PDE3B: variants seen among roughly 807,000 people sequenced by gnomAD.
The protein encoded by PDE3B is cGMP-inhibited 3',5'-cyclic phosphodiesterase 3B.
A neutral mutation model predicts 116.8 loss-of-function variants in PDE3B; 66 were observed. The ratio of observed to expected loss-of-function variants is 0.56; its 90% CI spans 0.46 to 0.69. The LOEUF is 0.69. Among genes scored for constraint, PDE3B ranks in the 30% least tolerant of loss-of-function variants. The pLI, the probability that PDE3B is intolerant of heterozygous loss-of-function variation, is 0.00. For missense variants in PDE3B, 1,384 were observed against 1,368.1 expected (o/e 1.01, Z -0.18); for synonymous variants, 595 against 533.6 (o/e 1.12, Z -1.59).
chr11:14,841,356 T>C (rs1175098005), intron 11 of PDE3B, among the ~76,000 whole-genome samples: 2 of 147,334 alleles, frequency 1.4e-5, no homozygotes, highest in Non-Finnish European at 3.0e-5. Flanking sequence ...TCTATATATA[T>C]ATATAAAATA....
chr11:14,842,291 G>A (rs1355511751), intron 11 of PDE3B, among the ~76,000 whole-genome samples: 16 of 152,026 alleles, frequency 1.1e-4, no homozygotes. Context: ...TGCCAACTGT[G>A]TTCTTTTTTG....
intron 1 of PDE3B, among the ~76,000 whole-genome samples, chr11:14,754,022 A>G (rs570678805): frequency 1.3e-5 from 2 of 152,014 alleles, no homozygotes; most frequent in African/African-American, 4.8e-5. Flanking sequence ...GTTAAATAAC[A>G]TACAACATTT....
At chr11:14,669,058 G>A (rs114972359) in intron 1 of PDE3B, among the ~76,000 whole-genome samples, 2,270 of 152,276 alleles carry the variant, frequency 0.015, 61 homozygotes, top group African/African-American at 0.052. Context: ...AGAGTGGGAA[G>A]TGTTAAGAGA....
intron 1 of PDE3B, among the ~76,000 whole-genome samples, chr11:14,742,550 C>T (rs544022779): frequency 1.1e-4 from 16 of 152,056 alleles, no homozygotes; most frequent in African/African-American, 3.1e-4. Context: ...AGCTCAGAAT[C>T]GTTTGTTATT....
At position 14,859,045 on chromosome 11, in the gene PDE3B, A is replaced by T; in HGVS notation, c.2523A>T (p.Ala841=). 2 of 1,600,434 alleles carry T rather than the reference A, an allele frequency of 1.2e-6. No homozygotes were observed. The highest frequency in any genetic ancestry group is 1.7e-6 in the Non-Finnish European group (2 of 1,173,430). Residue 841 remains alanine (A), a splice_region_variant and synonymous_variant, in exon 13 of 16, where the codon GCA becomes GCT. Transcript: ENST00000282096. ...CATTTTTCTATATTTCTTTTTAGGC[A>T]GTTTTATACAATGACAGATCTGTTC... ...AFLVATNAPQ[A]VLYNDRSVLE...
intron 1 of PDE3B, among the ~76,000 whole-genome samples, chr11:14,669,533 A>G (rs1175216668): frequency 2.7e-5 from 1 of 37,196 alleles, no homozygotes; most frequent in Non-Finnish European, 4.8e-5. Flanking sequence ...TTACATATGT[A>G]TACATGTGCC....
chr11:14,727,867 G>A (rs1180806392), intron 1 of PDE3B, among the ~76,000 whole-genome samples: 1 of 151,958 alleles, frequency 6.6e-6, no homozygotes, highest in Non-Finnish European at 1.5e-5. Flanking sequence ...ACCTTACAAG[G>A]CTTACCATTT....
chr11:14,712,932 G>T (rs1313679365), intron 1 of PDE3B, among the ~76,000 whole-genome samples: 1 of 152,162 alleles, frequency 6.6e-6, no homozygotes, highest in Non-Finnish European at 1.5e-5. Flanking sequence ...TGAACTGTTT[G>T]GTTATACCTT....
intron 2 of PDE3B, among the ~76,000 whole-genome samples, chr11:14,779,931 G>T (rs866401220): frequency 1.3e-5 from 2 of 151,560 alleles, no homozygotes; most frequent in Admixed American, 1.3e-4. Context: ...CATCTCACGT[G>T]CAGAGACACG....
chr11:14,650,806 C>T (rs1853552364), intron 1 of PDE3B, among the ~76,000 whole-genome samples: 1 of 152,034 alleles, frequency 6.6e-6, no homozygotes. Context: ...CCAAGGAAAG[C>T]AGGCAGCCTC....
chr11:14,748,365 AT>A (rs554956013), intron 1 of PDE3B, among the ~76,000 whole-genome samples: 225 of 152,114 alleles, frequency 1.5e-3, no homozygotes, highest in African/African-American at 3.7e-3. Context: ...TTAAATCACA[AT>A]TTTTTTTCTA....
the PDE3B span, among the ~76,000 whole-genome samples, chr11:14,882,381 T>C: frequency 6.6e-6 from 1 of 152,022 alleles, no homozygotes; most frequent in African/African-American, 2.4e-5. Flanking sequence ...GACAAGCAAA[T>C]ACCTGAGGAA....
At chr11:14,761,285 A>G (rs890252158) in intron 1 of PDE3B, among the ~76,000 whole-genome samples, 2 of 152,126 alleles carry the variant, frequency 1.3e-5, no homozygotes, top group African/African-American at 4.8e-5. Flanking sequence ...TTTGTGTGGC[A>G]CTACCAAAAA....
chr11:14,674,398 C>T, intron 1 of PDE3B: 1 of 680,310 alleles, frequency 1.5e-6, no homozygotes. Context: ...CCACTCATCC[C>T]AATTTTTATT....
chr11:14,672,545 G>A (rs193159210), intron 1 of PDE3B, among the ~76,000 whole-genome samples: 14 of 152,228 alleles, frequency 9.2e-5, no homozygotes, highest in African/African-American at 2.6e-4. Flanking sequence ...CTAAACTAAT[G>A]TTAACAAGAG....
chr11:14,654,501 A>C (rs1368873657), intron 1 of PDE3B, among the ~76,000 whole-genome samples: 2 of 152,188 alleles, frequency 1.3e-5, no homozygotes, highest in African/African-American at 2.4e-5. Flanking sequence ...AGAAAAGGAA[A>C]AATTGAGGGA....
chr11:14,882,003 T>C, the PDE3B span, among the ~76,000 whole-genome samples: 3 of 152,140 alleles, frequency 2.0e-5, no homozygotes, highest in Non-Finnish European at 4.4e-5. Context: ...TATTGTGCAA[T>C]AATTTTTGAA....
intron 1 of PDE3B, among the ~76,000 whole-genome samples, chr11:14,667,636 A>G (rs1854214049): frequency 6.6e-6 from 1 of 150,968 alleles, no homozygotes; most frequent in African/African-American, 2.4e-5. Flanking sequence ...GGAATTGAAC[A>G]ATGAGAACAC....
At chr11:14,768,409 G>A (rs1365831694) in intron 1 of PDE3B, among the ~76,000 whole-genome samples, 1 of 151,388 alleles carries the variant, frequency 6.6e-6, no homozygotes, top group African/African-American at 2.4e-5. Context: ...TTTACCATAA[G>A]TATTTCTAAT....
Sources: gnomAD v4.1 joint callset for allele counts (sites outside exome capture counted in the v4.1 genomes callset) on GRCh38, gnomAD v4.1.1 for gene constraint, MANE v1.5 for transcripts, NCBI Gene and HGNC (gene_info 2026-07-23, HGNC 2026-07-21) for gene names.